DLGAP1: variants seen among roughly 807,000 people sequenced by gnomAD.
DLGAP1 encodes DLG associated protein 1, also known as disks large-associated protein 1.
Under a neutral mutation model 90.8 loss-of-function variants are expected in DLGAP1, and 11 were observed. That is an observed-to-expected ratio of 0.12 (90% confidence interval 0.08 to 0.20). DLGAP1 has a LOEUF of 0.20. DLGAP1 is among the 10% of genes least tolerant of loss of function. The pLI, the probability that DLGAP1 is intolerant of heterozygous loss-of-function variation, is 1.00. For missense variants in DLGAP1, 1,050 were observed against 1,333.8 expected (o/e 0.79, Z 3.31); for synonymous variants, 558 against 540.7 (o/e 1.03, Z -0.44).
At chr18:3,617,936 T>C (rs1383625094) in intron 7 of DLGAP1, among the ~76,000 whole-genome samples, 2 of 151,502 alleles carry the variant, frequency 1.3e-5, no homozygotes, top group African/African-American at 4.9e-5. Flanking sequence ...ACTCAGGAGA[T>C]TGAGGTAGGA....
chr18:4,403,407 G>A (rs946734461), intron 1 of DLGAP1, among the ~76,000 whole-genome samples: 3 of 151,802 alleles, frequency 2.0e-5, no homozygotes, highest in African/African-American at 4.8e-5. Context: ...TTCAAAACTC[G>A]GTATTACAAT....
At chr18:3,967,803 C>T (rs927436703) in intron 3 of DLGAP1, among the ~76,000 whole-genome samples, 2 of 152,032 alleles carry the variant, frequency 1.3e-5, no homozygotes, top group Non-Finnish European at 2.9e-5. Context: ...ATTTCCACAA[C>T]TAAGTATAAC....
chr18:4,402,983 T>C (rs190287892), intron 1 of DLGAP1, among the ~76,000 whole-genome samples: 48 of 152,316 alleles, frequency 3.2e-4, no homozygotes, highest in Non-Finnish European at 6.5e-4. Flanking sequence ...GCTCAATATA[T>C]GAATTATGGT....
At chr18:3,814,966 C>G (rs2067030457) in intron 4 of DLGAP1, among the ~76,000 whole-genome samples, 1 of 152,114 alleles carries the variant, frequency 6.6e-6, no homozygotes, top group African/African-American at 2.4e-5. Context: ...ATGTACAAAT[C>G]CACGTCTCTC....
At position 3,851,107 on chromosome 18, in the gene DLGAP1, A is replaced by G. The variant is rs2069313010; in HGVS notation, c.957+28005T>C. Among the ~76,000 whole-genome samples, 4 of 152,204 alleles carry G rather than the reference A, an allele frequency of 2.6e-5. No individual in the cohort carries two copies. In the South Asian group the frequency reaches 8.3e-4, roughly 31 times the overall value. On this transcript the variant is annotated intron_variant, in intron 4 of 12. Transcript: ENST00000315677. ...CAGAAAGCCAAGGAGAAAAGTCTTA[A>G]TACTGTGGTAGGTAAGTGGGAGGTA... is the stretch of plus-strand genomic sequence containing the variant.
intron 3 of DLGAP1, chr18:3,984,342 CTCAGAGG>C (rs1348550486): frequency 6.6e-6 from 1 of 152,232 alleles, no homozygotes; most frequent in Non-Finnish European, 1.5e-5. Flanking sequence ...TCTACAATGT[CTCAGAGG>C]TCATATCACC....
intron 3 of DLGAP1, among the ~76,000 whole-genome samples, chr18:3,943,929 C>G (rs1568312458): frequency 6.6e-6 from 1 of 152,166 alleles, no homozygotes; most frequent in Non-Finnish European, 1.5e-5. Context: ...ACCTGCAAGT[C>G]AAGAAGAGAA....
intron 1 of DLGAP1, among the ~76,000 whole-genome samples, chr18:4,417,437 A>G (rs2082924940): frequency 6.6e-6 from 1 of 152,126 alleles, no homozygotes; most frequent in African/African-American, 2.4e-5. Context: ...ATAATTGTTG[A>G]GTGTAAACAG....
At chr18:3,892,719 G>A (rs1367017234) in intron 3 of DLGAP1, among the ~76,000 whole-genome samples, 8 of 151,918 alleles carry the variant, frequency 5.3e-5, no homozygotes, top group South Asian at 4.1e-4. Flanking sequence ...AAGAAGTCTG[G>A]AAGATGCAAG....
chr18:3,942,784 A>C (rs1362843774), intron 3 of DLGAP1, among the ~76,000 whole-genome samples: 5 of 152,180 alleles, frequency 3.3e-5, no homozygotes, highest in Non-Finnish European at 7.4e-5. Flanking sequence ...ATGTTTCTTG[A>C]ATTGAAAAAT....
chr18:3,547,241 G>A (rs1280176142), intron 9 of DLGAP1, among the ~76,000 whole-genome samples: 1 of 144,014 alleles, frequency 6.9e-6, no homozygotes, highest in Non-Finnish European at 1.5e-5. Context: ...GGCGGAGCCT[G>A]CAGCAAGCCG....
At chr18:4,357,102 TG>T (rs2081533490) in intron 1 of DLGAP1, among the ~76,000 whole-genome samples, 1 of 151,492 alleles carries the variant, frequency 6.6e-6, no homozygotes, top group Non-Finnish European at 1.5e-5. Context: ...TGTGTGTGTG[TG>T]TGTGTGTGTA....
intron 7 of DLGAP1, among the ~76,000 whole-genome samples, chr18:3,677,034 C>A (rs543173033): frequency 6.6e-6 from 1 of 152,274 alleles, no homozygotes; most frequent in South Asian, 2.1e-4. Context: ...CTACTAACTT[C>A]CAGGATATTC....
chr18:4,056,380 G>C (rs2075217241), intron 2 of DLGAP1, among the ~76,000 whole-genome samples: 1 of 152,262 alleles, frequency 6.6e-6, no homozygotes, highest in East Asian at 1.9e-4. Flanking sequence ...AAGCGGCCTG[G>C]GGAAAACACA....
chr18:3,665,248 A>G (rs1048039814), intron 7 of DLGAP1, among the ~76,000 whole-genome samples: 52 of 152,312 alleles, frequency 3.4e-4, no homozygotes, highest in African/African-American at 1.2e-3. Context: ...ATTTGTTACT[A>G]GATCAGGAGC....
chr18:3,820,575 G>A (rs1000545044), intron 4 of DLGAP1, among the ~76,000 whole-genome samples: 7 of 152,196 alleles, frequency 4.6e-5, no homozygotes, highest in Non-Finnish European at 8.8e-5. Flanking sequence ...CAGCAGCCAG[G>A]TAAATAAGGG....
At chr18:3,709,251 C>G (rs1210771725) in intron 7 of DLGAP1, among the ~76,000 whole-genome samples, 1 of 152,190 alleles carries the variant, frequency 6.6e-6, no homozygotes, top group Non-Finnish European at 1.5e-5. Context: ...CAACCCCCTA[C>G]ACACCTTCCT....
intron 3 of DLGAP1, among the ~76,000 whole-genome samples, chr18:3,966,959 A>C (rs2073344611): frequency 6.6e-6 from 1 of 152,168 alleles, no homozygotes; most frequent in Non-Finnish European, 1.5e-5. Context: ...TCTGAGGTCC[A>C]AGAGAGGAGG....
intron 8 of DLGAP1, among the ~76,000 whole-genome samples, chr18:3,576,262 CTTT>C (rs1310824538): frequency 3.5e-5 from 5 of 142,830 alleles, no homozygotes; most frequent in Non-Finnish European, 4.6e-5. Flanking sequence ...CCTCCAACTC[CTTT>C]TTTTTTTTTT....
Sources: allele counts gnomAD v4.1 joint callset (sites outside exome capture counted in the v4.1 genomes callset), GRCh38; gene constraint gnomAD v4.1.1; transcripts MANE v1.5; gene names NCBI Gene and HGNC (gene_info 2026-07-23, HGNC 2026-07-21).